The following CNTN5 variants were observed in gnomAD, a reference collection of about 807,000 sequenced individuals.
CNTN5 encodes the protein contactin-5.
CNTN5 carries 77 observed loss-of-function variants against 129.1 expected under a neutral mutation model. The ratio of observed to expected loss-of-function variants is 0.60; its 90% confidence interval spans 0.50 to 0.72. CNTN5 has a LOEUF of 0.72. Among genes scored for constraint, CNTN5 ranks in the 30% least tolerant of loss-of-function variants. The pLI, the probability that CNTN5 is intolerant of heterozygous loss-of-function variation, is 0.00. For missense variants in CNTN5, 1,478 were observed against 1,328.8 expected, an observed-to-expected ratio of 1.11 and a Z score of -1.75; for synonymous variants, 509 against 465.6, an observed-to-expected ratio of 1.09 and a Z score of -1.20.
At chr11:99,159,391 G>A (rs1216437655) in intron 1 of CNTN5, among the ~76,000 whole-genome samples, 3 of 152,236 alleles carry the variant, frequency 2.0e-5, no homozygotes, top group Non-Finnish European at 4.4e-5. Flanking sequence ...GGGAGGCTGA[G>A]GCGGAAGGAT....
At chr11:99,085,647 T>C (rs1412952842) in intron 1 of CNTN5, among the ~76,000 whole-genome samples, 1 of 152,188 alleles carries the variant, frequency 6.6e-6, no homozygotes, top group Non-Finnish European at 1.5e-5. Flanking sequence ...AATGATAATT[T>C]TGTTATTTTG....
At chr11:99,623,739 T>TAAAAAAAAAAAAAAAAA in intron 3 of CNTN5, among the ~76,000 whole-genome samples, 1 of 63,346 alleles carries the variant, frequency 1.6e-5, no homozygotes, top group Non-Finnish European at 3.8e-5. Context: ...CAGAGAAAGA[T>TAAAAAAAAAAAAAAAAA]ACAAAAAATA....
intron 1 of CNTN5, among the ~76,000 whole-genome samples, chr11:99,301,707 A>C (rs1864647202): frequency 6.6e-6 from 1 of 151,780 alleles, no homozygotes; most frequent in Non-Finnish European, 1.5e-5. Flanking sequence ...AAGAAAGTAG[A>C]AGACATGTAC....
At chr11:99,309,738 C>T (rs1865028233) in intron 1 of CNTN5, among the ~76,000 whole-genome samples, 1 of 152,148 alleles carries the variant, frequency 6.6e-6, no homozygotes, top group Non-Finnish European at 1.5e-5. Context: ...CTCCAAAATT[C>T]CCTACGATGG....
chr11:99,592,669 C>T (rs949135303), intron 3 of CNTN5, among the ~76,000 whole-genome samples: 2 of 151,920 alleles, frequency 1.3e-5, no homozygotes, highest in Non-Finnish European at 2.9e-5. Context: ...AAAAAGGTAC[C>T]AAGATATAAG....
At chr11:99,564,212 G>A (rs1327856021) in intron 3 of CNTN5, among the ~76,000 whole-genome samples, 1 of 152,070 alleles carries the variant, frequency 6.6e-6, no homozygotes, top group Non-Finnish European at 1.5e-5. Context: ...CTCCCAAGTA[G>A]CTAGGACTAC....
At position 100,052,516 on chromosome 11, in the gene CNTN5, C is replaced by T. The variant is rs182953301; in HGVS notation, c.981-8696C>T. ...TAAACTAAACAAAATACGCAGAAGA[C>T]CTGTACACTGAGAATTTGCATAACA... is the stretch of plus-strand genomic sequence containing the variant. On this transcript the variant is annotated intron_variant, in intron 9 of 24. Transcript: ENST00000524871. 2.1e-3 allele frequency among the ~76,000 whole-genome samples: 320 copies of T among 151,728 alleles called. 3 individuals are homozygous for T. The highest frequency in any genetic ancestry group is 1.9e-3 in the Non-Finnish European group (132 of 67,730).
At chr11:99,432,633 G>C (rs1473589759) in intron 2 of CNTN5, among the ~76,000 whole-genome samples, 2 of 151,914 alleles carry the variant, frequency 1.3e-5, no homozygotes, top group African/African-American at 4.8e-5. Context: ...GAGCAGTTCA[G>C]GGCAAGTGAG....
intron 3 of CNTN5, among the ~76,000 whole-genome samples, chr11:99,808,353 C>CAA (rs11394490): frequency 2.0e-5 from 3 of 151,846 alleles, no homozygotes; most frequent in Non-Finnish European, 2.9e-5. Context: ...GTTGAGGCTA[C>CAA]AAAAATCACA....
At chr11:99,458,170 T>C (rs1944561879) in intron 2 of CNTN5, among the ~76,000 whole-genome samples, 1 of 151,990 alleles carries the variant, frequency 6.6e-6, no homozygotes, top group African/African-American at 2.4e-5. Flanking sequence ...TGGATCAATA[T>C]TAACTATTGT....
intron 3 of CNTN5, among the ~76,000 whole-genome samples, chr11:99,744,053 A>C (rs12221910): frequency 0.03 from 4,562 of 151,980 alleles, 91 homozygotes; most frequent in East Asian, 0.053. Context: ...AAAAATTTAC[A>C]TGTTGCCATA....
intron 17 of CNTN5, among the ~76,000 whole-genome samples, chr11:100,269,191 G>A (rs1950362822): frequency 6.6e-6 from 1 of 152,174 alleles, no homozygotes; most frequent in Non-Finnish European, 1.5e-5. Flanking sequence ...AAAGGATGAT[G>A]ATAGTTCAAG....
At chr11:99,589,037 T>C (rs1565326726) in intron 3 of CNTN5, among the ~76,000 whole-genome samples, 2 of 152,192 alleles carry the variant, frequency 1.3e-5, no homozygotes, top group Non-Finnish European at 2.9e-5. Flanking sequence ...GGTAGTGTGC[T>C]GGATTGTAGA....
At chr11:99,791,568 C>T (rs1204425303) in intron 3 of CNTN5, among the ~76,000 whole-genome samples, 1 of 152,002 alleles carries the variant, frequency 6.6e-6, no homozygotes, top group Non-Finnish European at 1.5e-5. Context: ...CAGGTTTGTC[C>T]TCTTTACTTA....
At chr11:99,789,466 A>G (rs1945660233) in intron 3 of CNTN5, among the ~76,000 whole-genome samples, 1 of 152,030 alleles carries the variant, frequency 6.6e-6, no homozygotes, top group Admixed American at 6.6e-5. Flanking sequence ...TTATAAATGG[A>G]ATAAACTGCA....
At chr11:99,608,135 A>G (rs1950484788) in intron 3 of CNTN5, among the ~76,000 whole-genome samples, 1 of 150,112 alleles carries the variant, frequency 6.7e-6, no homozygotes, top group African/African-American at 2.5e-5. Context: ...TTGTGAACTC[A>G]AAACTTCTAT....
intron 8 of CNTN5, among the ~76,000 whole-genome samples, chr11:99,997,720 C>G (rs1430172811): frequency 6.6e-6 from 1 of 151,996 alleles, no homozygotes; most frequent in East Asian, 1.9e-4. Context: ...AATTTTAGAC[C>G]AATATCCTTG....
intron 3 of CNTN5, among the ~76,000 whole-genome samples, chr11:99,705,368 A>C (rs76925298): frequency 6.6e-6 from 1 of 151,290 alleles, no homozygotes; most frequent in African/African-American, 2.4e-5. Flanking sequence ...CTCCATTACC[A>C]GCTGAAGACT....
At chr11:100,230,871 A>G (rs1014718634) in intron 16 of CNTN5, among the ~76,000 whole-genome samples, 2 of 152,214 alleles carry the variant, frequency 1.3e-5, no homozygotes, top group Non-Finnish European at 2.9e-5. Context: ...TGTAATACAC[A>G]TTTGGATTTA....
Sources: gnomAD v4.1 joint callset for allele counts (sites outside exome capture counted in the v4.1 genomes callset) on GRCh38, gnomAD v4.1.1 for gene constraint, MANE v1.5 for transcripts, NCBI Gene and HGNC (gene_info 2026-07-23, HGNC 2026-07-21) for gene names.